The following ERC2 variants were observed in gnomAD, a reference collection of about 807,000 sequenced individuals.
ERC2 encodes the protein ERC protein 2.
Under a neutral mutation model 114.8 loss-of-function variants are expected in ERC2, and 42 were observed. The ratio of observed to expected loss-of-function variants is 0.37; its 90% CI spans 0.29 to 0.47. The LOEUF is 0.47. ERC2 is among the 20% of genes least tolerant of loss of function. The probability of loss-of-function intolerance (pLI) is 0.99; values close to 1 mark genes in which losing one functional copy is unlikely to be tolerated. For missense variants in ERC2, 939 were observed against 1,150.7 expected (o/e 0.82, Z 2.66); for synonymous variants, 454 against 425.5 (o/e 1.07, Z -0.82).
At chr3:56,370,601 T>G (rs369496929) in intron 2 of ERC2, among the ~76,000 whole-genome samples, 88 of 149,646 alleles carry the variant, frequency 5.9e-4, no homozygotes, top group African/African-American at 1.6e-3. Context: ...TTTTGTTTTT[T>G]TTTTTTTTTT....
chr3:56,213,236 T>A (rs1473418415), intron 3 of ERC2, among the ~76,000 whole-genome samples: 1 of 152,076 alleles, frequency 6.6e-6, no homozygotes, highest in African/African-American at 2.4e-5. Context: ...ACCCAGGAAG[T>A]GCAAGGGGTC....
chr3:55,803,377 G>T (rs948453473), intron 14 of ERC2, among the ~76,000 whole-genome samples: 5 of 152,004 alleles, frequency 3.3e-5, no homozygotes, highest in Non-Finnish European at 5.9e-5. Flanking sequence ...TATTACAAGG[G>T]TTTACTGGGA....
intron 2 of ERC2, among the ~76,000 whole-genome samples, chr3:56,311,923 C>A (rs559938453): frequency 6.7e-6 from 1 of 150,132 alleles, no homozygotes; most frequent in Non-Finnish European, 1.5e-5. Flanking sequence ...CAACTAACCA[C>A]GGGTTAAAAA....
intron 17 of ERC2, among the ~76,000 whole-genome samples, chr3:55,554,371 T>C (rs1385428744): frequency 6.6e-6 from 1 of 152,254 alleles, no homozygotes; most frequent in Admixed American, 6.5e-5. Flanking sequence ...TGGGAGCTGA[T>C]GACATCCTTA....
chr3:56,080,199 T>G (rs1290510355), intron 7 of ERC2, among the ~76,000 whole-genome samples: 1 of 152,136 alleles, frequency 6.6e-6, no homozygotes, highest in African/African-American at 2.4e-5. Flanking sequence ...ACAGAAATTC[T>G]CCAAAAGAAA....
chr3:55,926,038 G>A (rs2149392521), intron 13 of ERC2, among the ~76,000 whole-genome samples: 1 of 152,280 alleles, frequency 6.6e-6, no homozygotes, highest in East Asian at 1.9e-4. Context: ...ACCCAGAAAA[G>A]AGATTTGAGT....
chr3:56,137,523 G>C (rs930937465), intron 6 of ERC2, among the ~76,000 whole-genome samples: 1 of 152,118 alleles, frequency 6.6e-6, no homozygotes, highest in African/African-American at 2.4e-5. Context: ...TAAAAAGCCA[G>C]ACAGTAAATA....
At chr3:56,019,642 C>T (rs1352928742) in intron 7 of ERC2, among the ~76,000 whole-genome samples, 1 of 152,128 alleles carries the variant, frequency 6.6e-6, no homozygotes, top group Non-Finnish European at 1.5e-5. Context: ...CTAAACACTC[C>T]ATTTGGCAAC....
At chr3:55,697,276 T>A (rs1254349543) in intron 16 of ERC2, among the ~76,000 whole-genome samples, 2 of 152,200 alleles carry the variant, frequency 1.3e-5, no homozygotes, top group Non-Finnish European at 2.9e-5. Context: ...GAGAAGGCGA[T>A]GAGGTTAACT....
At chr3:55,948,556 G>A (rs900678216) in intron 13 of ERC2, among the ~76,000 whole-genome samples, 7 of 152,250 alleles carry the variant, frequency 4.6e-5, no homozygotes, top group East Asian at 1.9e-4. Context: ...AAAATTAATC[G>A]TGATTACTTT....
At chr3:56,422,242 C>A (rs144523513) in intron 2 of ERC2, among the ~76,000 whole-genome samples, 1 of 152,210 alleles carries the variant, frequency 6.6e-6, no homozygotes, top group African/African-American at 2.4e-5. Context: ...GTCCAATAAC[C>A]CAAAGTAAAG....
At chr3:56,007,436 T>C in intron 9 of ERC2, 115 bp from the exon 10 acceptor site, 2 of 954,570 alleles carry the variant, frequency 2.1e-6, no homozygotes. Flanking sequence ...ACAGAAAGGG[T>C]AAATATAATC....
intron 10 of ERC2, among the ~76,000 whole-genome samples, chr3:55,998,852 A>G (rs945905662): frequency 4.6e-5 from 7 of 152,150 alleles, no homozygotes; most frequent in African/African-American, 1.4e-4. Context: ...CCTGCTAAAT[A>G]TGTGTTGAGA....
chr3:56,355,840 A>G (rs77813797), intron 2 of ERC2, among the ~76,000 whole-genome samples: 3,535 of 150,074 alleles, frequency 0.024, 43 homozygotes, highest in South Asian at 0.072. Context: ...ACCTGCCTAC[A>G]CTGCTGAGAA....
intron 13 of ERC2, among the ~76,000 whole-genome samples, chr3:55,936,220 T>A (rs1178167994): frequency 6.6e-6 from 1 of 152,190 alleles, no homozygotes; most frequent in Non-Finnish European, 1.5e-5. Flanking sequence ...CTCTCCTGCA[T>A]GCTGAGAAGC....
chr3:55,702,834 C>T (rs1414154204), intron 15 of ERC2, among the ~76,000 whole-genome samples: 2 of 152,166 alleles, frequency 1.3e-5, no homozygotes, highest in Non-Finnish European at 2.9e-5. Context: ...GCAGGCAAAA[C>T]TAAACACCCA....
At chr3:55,771,145 C>T (rs2068170556) in intron 14 of ERC2, among the ~76,000 whole-genome samples, 1 of 152,094 alleles carries the variant, frequency 6.6e-6, no homozygotes, top group Non-Finnish European at 1.5e-5. Flanking sequence ...ATTTCTAATC[C>T]TTTGGGTATA....
chr3:55,949,905 G>C (rs1269172588), intron 13 of ERC2, among the ~76,000 whole-genome samples: 1 of 152,218 alleles, frequency 6.6e-6, no homozygotes, highest in Non-Finnish European at 1.5e-5. Flanking sequence ...TTGTTTCTAA[G>C]ATATGGCTGT....
At chr3:56,040,823 T>C (rs1410430844) in intron 7 of ERC2, among the ~76,000 whole-genome samples, 4 of 149,456 alleles carry the variant, frequency 2.7e-5, no homozygotes, top group African/African-American at 7.4e-5. Flanking sequence ...TAGATATATA[T>C]GTATCTATAT....
Sources: allele counts gnomAD v4.1 joint callset (sites outside exome capture counted in the v4.1 genomes callset), GRCh38; gene constraint gnomAD v4.1.1; transcripts MANE v1.5; gene names NCBI Gene and HGNC (gene_info 2026-07-23, HGNC 2026-07-21).